The following NKAIN3 variants were observed in gnomAD, a reference collection of about 807,000 sequenced individuals.
The protein encoded by NKAIN3 is sodium/potassium-transporting ATPase subunit beta-1-interacting protein 3.
In NKAIN3, 25 loss-of-function variants were observed where a neutral mutation model predicts 30.2. That is an observed-to-expected ratio of 0.83 (90% CI 0.60 to 1.16). NKAIN3 has a LOEUF of 1.16. Ranked by LOEUF, NKAIN3 falls within the 50% of genes most tolerant of loss-of-function variation. The pLI, the probability that NKAIN3 is intolerant of heterozygous loss-of-function variation, is 0.00. For missense variants in NKAIN3, 225 were observed against 254.1 expected (o/e 0.89, Z 0.78); for synonymous variants, 91 against 89.6 (o/e 1.02, Z -0.09).
chr8:62,584,535 T>A (rs1810410829), intron 2 of NKAIN3, among the ~76,000 whole-genome samples: 1 of 152,090 alleles, frequency 6.6e-6, no homozygotes, highest in African/African-American at 2.4e-5. Flanking sequence ...CTTATGAAAA[T>A]TGTTTCTTTA....
intron 1 of NKAIN3, among the ~76,000 whole-genome samples, chr8:62,358,885 T>A (rs534996550): frequency 1.3e-4 from 20 of 152,330 alleles, no homozygotes; most frequent in African/African-American, 4.8e-4. Context: ...TAGCCATGTT[T>A]TGAAAATATT....
At chr8:62,706,677 CT>C (rs1814531651) in intron 3 of NKAIN3, among the ~76,000 whole-genome samples, 1 of 151,818 alleles carries the variant, frequency 6.6e-6, no homozygotes, top group Non-Finnish European at 1.5e-5. Context: ...TTAATATTTA[CT>C]TATTTATTAT....
At chr8:62,781,360 C>T (rs1817348034) in intron 4 of NKAIN3, among the ~76,000 whole-genome samples, 1 of 151,530 alleles carries the variant, frequency 6.6e-6, no homozygotes, top group African/African-American at 2.4e-5. Flanking sequence ...CCAAAGGACT[C>T]TACAGATTCG....
chr8:62,537,695 C>T (rs1808707200), intron 1 of NKAIN3, among the ~76,000 whole-genome samples: 1 of 152,000 alleles, frequency 6.6e-6, no homozygotes, highest in African/African-American at 2.4e-5. Flanking sequence ...TTTTTGAGCA[C>T]TAATGTGTAG....
chr8:62,558,964 G>A (rs1168017740), intron 1 of NKAIN3, among the ~76,000 whole-genome samples: 1 of 151,912 alleles, frequency 6.6e-6, no homozygotes, highest in Admixed American at 6.6e-5. Context: ...GTGTTGTTTA[G>A]TTTCAAAGTT....
rs534294176 is a variant in NKAIN3 at position 62,352,282 on chromosome 8, T to C, written c.54+103155T>C. On this transcript the variant is annotated intron_variant, in intron 1 of 6. Coordinates refer to ENST00000623646, the MANE Select transcript of NKAIN3 (RefSeq NM_001304533.3). ...CTTAGCCCTCCTCGCCTGTGACCTC[T>C]CATCCCTCAGCACTCTGATCAAGAT... is the stretch of plus-strand genomic sequence containing the variant. Among the ~76,000 whole-genome samples, 4 of 152,270 alleles carry C rather than the reference T, an allele frequency of 2.6e-5. No homozygotes were observed. The East Asian group carries it at 7.7e-4, about 29-fold the overall frequency.
At chr8:62,808,505 T>C (rs567896421) in intron 4 of NKAIN3, among the ~76,000 whole-genome samples, 1 of 152,240 alleles carries the variant, frequency 6.6e-6, no homozygotes, top group African/African-American at 2.4e-5. Context: ...TTCTTTTCTA[T>C]TTTCCCTAAG....
At chr8:62,549,229 G>C (rs570778885) in intron 1 of NKAIN3, among the ~76,000 whole-genome samples, 1 of 152,102 alleles carries the variant, frequency 6.6e-6, no homozygotes, top group Non-Finnish European at 1.5e-5. Context: ...CAGGCACTCA[G>C]TAAAATGAGT....
chr8:62,614,416 T>C (rs987939379), intron 3 of NKAIN3, among the ~76,000 whole-genome samples: 1 of 152,140 alleles, frequency 6.6e-6, no homozygotes, highest in Non-Finnish European at 1.5e-5. Flanking sequence ...AGCACCCCTG[T>C]GGCCATCACT....
chr8:62,330,348 G>A (rs995421154), intron 1 of NKAIN3, among the ~76,000 whole-genome samples: 10 of 151,990 alleles, frequency 6.6e-5, no homozygotes, highest in Admixed American at 1.3e-4. Context: ...GCCAGGGTAC[G>A]TAGGAAACAA....
intron 1 of NKAIN3, among the ~76,000 whole-genome samples, chr8:62,288,658 T>G (rs1585636984): frequency 6.6e-6 from 1 of 152,200 alleles, no homozygotes; most frequent in Non-Finnish European, 1.5e-5. Context: ...ACATTTGGGA[T>G]GGTTCCAAGT....
chr8:62,831,706 C>A (rs761955371), intron 4 of NKAIN3, among the ~76,000 whole-genome samples: 3 of 152,006 alleles, frequency 2.0e-5, no homozygotes, highest in Non-Finnish European at 2.9e-5. Flanking sequence ...TGAGCAAGAC[C>A]TTCAAGAAAT....
intron 6 of NKAIN3, among the ~76,000 whole-genome samples, chr8:62,958,151 A>T (rs907204517): frequency 6.6e-6 from 1 of 151,886 alleles, no homozygotes; most frequent in African/African-American, 2.4e-5. Context: ...CCCTAATCTC[A>T]TGTTTGCCAT....
At position 62,718,091 on chromosome 8, in the gene NKAIN3, G is replaced by A. The variant is rs1053369254; in HGVS notation, c.274-28841G>A. Among the ~76,000 whole-genome samples the A allele has an allele frequency of 2.6e-5, 4 of 152,170 alleles. No individual in the cohort carries two copies. The South Asian group carries it at 6.2e-4, about 24-fold the overall frequency. On this transcript the variant is annotated intron_variant, in intron 3 of 6. Coordinates refer to ENST00000623646, the MANE Select transcript of NKAIN3 (RefSeq NM_001304533.3). ...AAAAGTGGAAACCCCTAATAAACCT[G>A]TCAGATCTCATGAGACTTATTCACC...
chr8:62,580,969 T>G (rs945150953), intron 2 of NKAIN3, among the ~76,000 whole-genome samples: 1 of 147,730 alleles, frequency 6.8e-6, no homozygotes, highest in Non-Finnish European at 1.5e-5. Flanking sequence ...TAGCCAGACA[T>G]TGGGGGGCCT....
intron 1 of NKAIN3, among the ~76,000 whole-genome samples, chr8:62,401,976 C>T (rs1175327510): frequency 6.6e-6 from 1 of 152,184 alleles, no homozygotes; most frequent in Non-Finnish European, 1.5e-5. Context: ...GTGGTGAAAC[C>T]ATCCAGGCTT....
At chr8:62,752,081 C>T (rs980658555) in intron 4 of NKAIN3, among the ~76,000 whole-genome samples, 1 of 152,110 alleles carries the variant, frequency 6.6e-6, no homozygotes. Flanking sequence ...AAACAAGAGA[C>T]TCTGAAGTCC....
intron 4 of NKAIN3, among the ~76,000 whole-genome samples, chr8:62,834,077 AATG>A (rs1819282093): frequency 6.6e-6 from 1 of 152,032 alleles, no homozygotes; most frequent in Non-Finnish European, 1.5e-5. Context: ...ACAAAAATCA[AATG>A]ATGATCTCAA....
intron 1 of NKAIN3, among the ~76,000 whole-genome samples, chr8:62,338,556 G>A (rs1180307601): frequency 1.3e-5 from 2 of 151,894 alleles, no homozygotes; most frequent in Non-Finnish European, 2.9e-5. Flanking sequence ...CTTATATTAG[G>A]GTTATCTAGA....
Sources: allele counts gnomAD v4.1 joint callset (sites outside exome capture counted in the v4.1 genomes callset), GRCh38; gene constraint gnomAD v4.1.1; transcripts MANE v1.5; gene names NCBI Gene and HGNC (gene_info 2026-07-23, HGNC 2026-07-21).